The following SLAMF7 variants were observed in gnomAD, a reference collection of about 807,000 sequenced individuals.
SLAMF7 encodes the protein 19A24 protein.
SLAMF7 carries 26 observed loss-of-function variants against 34.1 expected under a neutral mutation model. That is an observed-to-expected ratio of 0.76 (90% CI 0.56 to 1.06). SLAMF7 has a LOEUF of 1.06. Among genes scored for constraint, SLAMF7 ranks in the 50% least tolerant of loss-of-function variants. SLAMF7 has a pLI of 0.00. For synonymous variants in SLAMF7, 171 were observed against 156.4 expected (o/e 1.09, Z -0.70); for missense variants, 399 against 402.5 (o/e 0.99, Z 0.07).
chr1:160,743,410 C>T (rs1663892706), intron 1 of SLAMF7, among the ~76,000 whole-genome samples: 1 of 152,140 alleles, frequency 6.6e-6, no homozygotes, highest in Non-Finnish European at 1.5e-5. Context: ...GAGTGGCAGT[C>T]CCAGCTGCAT....
chr1:160,747,218 G>A (rs1294616647), intron 1 of SLAMF7, among the ~76,000 whole-genome samples: 2 of 152,010 alleles, frequency 1.3e-5, no homozygotes, highest in African/African-American at 4.8e-5. Flanking sequence ...CTACTATTTA[G>A]TTTTCTCATC....
chr1:160,752,012 C>A (rs1478853744), intron 5 of SLAMF7, 174 bp from the exon 6 acceptor site: 1 of 534,932 alleles, frequency 1.9e-6, no homozygotes, highest in East Asian at 3.0e-5. Context: ...TAATAGCAGT[C>A]ACCAACAAGA....
intron 4 of SLAMF7, chr1:160,750,791 C>G (rs1333272667): frequency 4.4e-6 from 1 of 229,182 alleles, no homozygotes; most frequent in Admixed American, 5.2e-5. Context: ...CCCCACAGAC[C>G]AGCATCCTCT....
intron 1 of SLAMF7, among the ~76,000 whole-genome samples, chr1:160,745,308 C>T (rs532176525): frequency 1.3e-5 from 2 of 152,192 alleles, no homozygotes; most frequent in Admixed American, 1.3e-4. Context: ...CCAATGGCAC[C>T]CAAGGGCTTT....
In SLAMF7 at chr1:160,749,923, T is replaced by G; in HGVS notation, c.479T>G (p.Val160Gly). 1.2e-6 allele frequency: 2 copies of G among 1,614,100 alleles called. No homozygotes were observed. The highest frequency in any genetic ancestry group is 1.7e-6 in the Non-Finnish European group (2 of 1,179,976). ...TCCMEHGEED[V>G]IYTWKALGQA... ...TGCATGGAACATGGGGAAGAGGATG[T>G]GATTTATACCTGGAAGGCCCTGGGG... Residue 160 changes from valine to glycine, a missense_variant, in exon 3 of 7, where the codon GTG becomes GGG. Transcript: ENST00000368043.
At chr1:160,740,316 C>T (rs1025030933) in intron 1 of SLAMF7, among the ~76,000 whole-genome samples, 2 of 149,634 alleles carry the variant, frequency 1.3e-5, no homozygotes, top group African/African-American at 2.5e-5. Context: ...ACTCCCTGAA[C>T]GGAAATGATG....
rs879190992 is a variant in SLAMF7, at chr1:160,745,955, T to A, written c.56-2239T>A. Among the ~76,000 whole-genome samples the A allele has an allele frequency of 2.6e-5, 4 of 152,326 alleles. 1 individual carries two copies. The highest frequency in any genetic ancestry group is 2.6e-4 in the Admixed American group (4 of 15,300). On this transcript the variant is annotated intron_variant, in intron 1 of 6. Transcript: ENST00000368043. ...AGGGACCAAAGAAATAAATCTCTAA[T>A]GAAGCAATTTTTGATATCTGGATAT...
rs780337097 is a variant in SLAMF7 at position 160,739,338 on chromosome 1, AT to A, written c.38del (p.Ile13ThrfsTer14). ...GSPTCLTLIY[I>X]LWQLTGSAAS... The stretch of plus-strand genomic sequence containing the variant: ...CCCAACATGCCTCACCCTCATCTAT[AT>A]CCTTTGGCAGCTCACAGGTGAGTCC... On this transcript the variant is annotated frameshift_variant, in exon 1 of 7. Transcript: ENST00000368043. LOFTEE classifies it high-confidence loss of function. 3.7e-6 allele frequency: 6 copies of A among 1,613,694 alleles called. No homozygotes were observed. Among genetic ancestry groups the A allele is most frequent in the Non-Finnish European group, 5.1e-6 (6 of 1,179,776 alleles).
chr1:160,750,560 G>T (rs1664489018), intron 4 of SLAMF7, 137 bp downstream of exon 4: 2 of 1,035,678 alleles, frequency 1.9e-6, no homozygotes, highest in South Asian at 3.1e-5. Flanking sequence ...CACAGTCTCT[G>T]CCCTCAAGAA....
chr1:160,749,449 A>T (rs376202246), intron 2 of SLAMF7, among the ~76,000 whole-genome samples: 1 of 89,006 alleles, frequency 1.1e-5, no homozygotes, highest in East Asian at 2.5e-4. Context: ...GTGAACTCTC[A>T]TAGAGAGTAA....
chr1:160,742,062 A>C (rs973685268), intron 1 of SLAMF7, among the ~76,000 whole-genome samples: 1 of 151,928 alleles, frequency 6.6e-6, no homozygotes, highest in Non-Finnish European at 1.5e-5. Context: ...CCCTCCCCCA[A>C]AGTCTTCCTG....
chr1:160,752,234 G>A lies in SLAMF7; in HGVS notation c.922G>A (p.Glu308Lys). The change falls in exon 6 of 7, where the codon GAA becomes AAA. Residue 308 changes from glutamate to lysine, a missense_variant. Physicochemically the swap from Glu to Lys is moderately conservative, Grantham distance 56. Transcript: ENST00000368043. ...AGCAAATACGGTTTACTCCACTGTG[G>A]AAATACCGAAAAAGGTAAGAAGCTT... ...DPANTVYSTV[E>K]IPKKMENPHS... is the part of the protein sequence containing the mutation. 6.2e-7 allele frequency: 1 copy of A among 1,612,786 alleles called. No individual in the cohort carries two copies. The highest frequency in any genetic ancestry group is 8.5e-7 in the Non-Finnish European group (1 of 1,179,106).
Position 160,753,430 on chromosome 1 carries a change from C to T in SLAMF7, c.*253C>T. On this transcript the variant is annotated 3_prime_UTR_variant, in exon 7 of 7. Transcript: ENST00000368043. ...CCAAAAATGGGATTGTGAATGTCAGCAAACCATAAAAAAAGTGCTTAGAAG... is the reference window on the plus strand; with the variant it reads ...CCAAAAATGGGATTGTGAATGTCAGTAAACCATAAAAAAAGTGCTTAGAAG... The T allele has an allele frequency of 4.0e-6, 2 of 505,658 alleles. No homozygotes were observed. Among genetic ancestry groups the T allele is most frequent in the South Asian group, 5.5e-5 (2 of 36,172 alleles). 31.3% of individuals were successfully genotyped at this position (505,658 alleles called of 1,614,324 possible).
chr1:160,739,757 A>G (rs1053125821), intron 1 of SLAMF7: 1 of 163,730 alleles, frequency 6.1e-6, no homozygotes, highest in Non-Finnish European at 1.3e-5. Flanking sequence ...ACAGGTATGT[A>G]TTTATTTACT....
chr1:160,750,326 C>T lies in SLAMF7; in HGVS notation c.672C>T (p.Ser224=). Residue 224 remains serine, a synonymous_variant, in exon 4 of 7, where the codon TCC becomes TCT. Coordinates refer to ENST00000368043, the MANE Select transcript of SLAMF7 (RefSeq NM_021181.5). ...LCEGAADDPD[S]SMVLLCLLLV... ...AAGGTGCTGCTGATGACCCAGATTC[C>T]TCCATGGTCCTCCTGTGTCTCCTGT... 6.2e-7 allele frequency: 1 copy of T among 1,614,092 alleles called. No individual in the cohort carries two copies. The highest frequency in any genetic ancestry group is 8.5e-7 in the Non-Finnish European group (1 of 1,179,948).
At chr1:160,751,715 G>C (rs548542892) in intron 5 of SLAMF7, 1 of 355,884 alleles carries the variant, frequency 2.8e-6, no homozygotes. Flanking sequence ...AGTTCATAAC[G>C]GCCACACAAA....
At chr1:160,746,773 T>C (rs1028773571) in intron 1 of SLAMF7, among the ~76,000 whole-genome samples, 3 of 151,950 alleles carry the variant, frequency 2.0e-5, no homozygotes, top group Non-Finnish European at 4.4e-5. Flanking sequence ...ACCCCCTTTA[T>C]GGGAGTCTTA....
intron 1 of SLAMF7, among the ~76,000 whole-genome samples, chr1:160,746,018 T>C (rs1211472041): frequency 2.6e-5 from 4 of 152,158 alleles, no homozygotes; most frequent in Admixed American, 1.3e-4. Context: ...AGAAAAGGCA[T>C]GAGTTACATC....
intron 4 of SLAMF7, chr1:160,751,002 T>G (rs1000831401): frequency 3.2e-4 from 97 of 299,098 alleles, no homozygotes; most frequent in African/African-American, 2.1e-3. Context: ...ATGTGGGTGA[T>G]GGGGAGGGAC....
Sources: gnomAD v4.1 joint callset for allele counts (sites outside exome capture counted in the v4.1 genomes callset) on GRCh38, gnomAD v4.1.1 for gene constraint, MANE v1.5 for transcripts, NCBI Gene and HGNC (gene_info 2026-07-23, HGNC 2026-07-21) for gene names.